ADAM12: variants seen among roughly 807,000 people sequenced by gnomAD.
ADAM12 encodes disintegrin and metalloproteinase domain-containing protein 12.
ADAM12 carries 70 observed loss-of-function variants against 106.4 expected under a neutral mutation model. The ratio of observed to expected loss-of-function variants is 0.66; its 90% CI spans 0.54 to 0.80. ADAM12 has a LOEUF of 0.80. Among genes scored for constraint, ADAM12 ranks in the 30% least tolerant of loss-of-function variants. The pLI is 0.00. For synonymous variants in ADAM12, 420 were observed against 433.5 expected (o/e 0.97, Z 0.39); for missense variants, 1,010 against 1,171.9 (o/e 0.86, Z 2.02).
At chr10:126,045,914 ATACCTT>A in intron 17 of ADAM12, 135 bp downstream of exon 17, 1 of 693,172 alleles carries the variant, frequency 1.4e-6, no homozygotes, top group Non-Finnish European at 2.4e-6. Flanking sequence ...AAAGAAATGA[ATACCTT>A]TAGAAGAAAA....
At chr10:126,115,754 T>C (rs1220184492) in intron 6 of ADAM12, among the ~76,000 whole-genome samples, 1 of 152,198 alleles carries the variant, frequency 6.6e-6, no homozygotes. Flanking sequence ...AGCCTTTCTA[T>C]TGATTTTTTT....
chr10:126,096,448 A>G (rs1955560411), intron 10 of ADAM12, among the ~76,000 whole-genome samples: 1 of 152,264 alleles, frequency 6.6e-6, no homozygotes, highest in Non-Finnish European at 1.5e-5. Flanking sequence ...GGCCAGTTAG[A>G]TAAAAAGGAA....
Position 126,235,396 on chromosome 10 carries a change from A to C in ADAM12, c.260+43519T>G, listed in dbSNP as rs186661745. On this transcript the variant is annotated intron_variant, in intron 3 of 22. Transcript: ENST00000448723. ...CCAGAGCAAGAGAGGACACATCTGG[A>C]GGACGACAGGAAGAGGCTCTGGGAG... Among the ~76,000 whole-genome samples, 263 of 152,332 alleles carry C rather than the reference A, an allele frequency of 1.7e-3. 4 individuals are homozygous for C. Among genetic ancestry groups the C allele is most frequent in the African/African-American group, 5.9e-3 (246 of 41,572 alleles).
chr10:126,231,710 G>A (rs188145869), intron 3 of ADAM12, among the ~76,000 whole-genome samples: 97 of 152,222 alleles, frequency 6.4e-4, no homozygotes, highest in African/African-American at 2.1e-3. Flanking sequence ...CTCTCCTCCT[G>A]GCAATGCCTT....
At chr10:126,324,984 T>C (rs1854242433) in intron 2 of ADAM12, among the ~76,000 whole-genome samples, 1 of 152,064 alleles carries the variant, frequency 6.6e-6, no homozygotes, top group Non-Finnish European at 1.5e-5. Context: ...TTCACTTATG[T>C]GAGCCCCTAG....
intron 2 of ADAM12, among the ~76,000 whole-genome samples, chr10:126,309,585 G>T (rs560833733): frequency 6.6e-6 from 1 of 152,218 alleles, no homozygotes; most frequent in African/African-American, 2.4e-5. Context: ...TGATGCACTG[G>T]GTCCAGAAAA....
intron 19 of ADAM12, among the ~76,000 whole-genome samples, chr10:126,038,952 CTTTTTTTTTTTTT>C (rs34277276): frequency 1.4e-5 from 1 of 71,558 alleles, no homozygotes; most frequent in Non-Finnish European, 2.5e-5. Flanking sequence ...GACACCATTT[CTTTTTTTTTTTTT>C]TTTTTTTTTT....
intron 21 of ADAM12, among the ~76,000 whole-genome samples, chr10:126,030,580 A>G (rs544522027): frequency 3.3e-5 from 5 of 152,280 alleles, no homozygotes; most frequent in African/African-American, 1.2e-4. Flanking sequence ...TTATAGTAAC[A>G]AATAAGTGGG....
intron 14 of ADAM12, among the ~76,000 whole-genome samples, chr10:126,062,597 C>A (rs749345006): frequency 6.6e-6 from 1 of 152,186 alleles, no homozygotes; most frequent in Non-Finnish European, 1.5e-5. Context: ...TAATAAATAC[C>A]AGCTTTGGTC....
intron 4 of ADAM12, among the ~76,000 whole-genome samples, chr10:126,154,099 G>A (rs1290087578): frequency 6.6e-6 from 1 of 152,160 alleles, no homozygotes; most frequent in Admixed American, 6.5e-5. Flanking sequence ...TCAGTTGCAG[G>A]CGGTTACTTC....
intron 2 of ADAM12, among the ~76,000 whole-genome samples, chr10:126,322,035 C>A (rs1854120470): frequency 6.6e-6 from 1 of 152,124 alleles, no homozygotes; most frequent in South Asian, 2.1e-4. Flanking sequence ...TCGGGCAAAG[C>A]CAATGCACTG....
rs1959077867 is a variant in ADAM12 at position 126,265,369 on chromosome 10, T to A, written c.260+13546A>T. Among the ~76,000 whole-genome samples, 4 of 152,232 alleles carry A rather than the reference T, an allele frequency of 2.6e-5. No homozygotes were observed. The South Asian group carries it at 8.3e-4, about 31-fold the overall frequency. On this transcript the variant is annotated intron_variant, in intron 3 of 22. Transcript: ENST00000448723. ...AAAGAATGATAGAACACTGCCATTTTGCAGGACCCAAGGAAAGAACAGATC... is the reference window on the plus strand; with the variant it reads ...AAAGAATGATAGAACACTGCCATTTAGCAGGACCCAAGGAAAGAACAGATC...
intron 3 of ADAM12, among the ~76,000 whole-genome samples, chr10:126,227,268 A>C (rs146082352): frequency 6.6e-6 from 1 of 152,224 alleles, no homozygotes; most frequent in Non-Finnish European, 1.5e-5. Flanking sequence ...CGCCATCATT[A>C]CCATCATCAT....
chr10:126,342,659 A>G (rs2133871353), intron 1 of ADAM12, among the ~76,000 whole-genome samples: 1 of 152,328 alleles, frequency 6.6e-6, no homozygotes, highest in Admixed American at 6.5e-5. Flanking sequence ...TCCCACAGAC[A>G]AGAGAACTGG....
chr10:126,264,016 T>G (rs1959051436), intron 3 of ADAM12, among the ~76,000 whole-genome samples: 1 of 152,268 alleles, frequency 6.6e-6, no homozygotes, highest in African/African-American at 2.4e-5. Flanking sequence ...GTAGGGCTAG[T>G]ATTTTTAGTA....
rs754307204 is a variant in ADAM12, at chr10:126,038,347, C to A, written c.2243G>T (p.Cys748Phe). Residue 748 changes from cysteine (C) to phenylalanine (F), a missense_variant and splice_region_variant, in exon 20 of 23, where the codon TGT becomes TTT. Physicochemically the swap from Cys to Phe is radical, Grantham distance 205. Transcript: ENST00000448723. ...NKKTTIEKLR[C>F]VRPSRPPRGF... ...ACGGGGTGGCCGGGAAGGGCGCACA[C>A]ACCTGCAACAGAATCCCATACCTGC... The A allele has an allele frequency of 6.3e-7, 1 of 1,581,638 alleles. No homozygotes were observed. Among genetic ancestry groups the A allele is most frequent in the Non-Finnish European group, 8.6e-7 (1 of 1,162,700 alleles).
At chr10:126,065,827 A>C (rs1954856042) in intron 13 of ADAM12, among the ~76,000 whole-genome samples, 2 of 152,156 alleles carry the variant, frequency 1.3e-5, no homozygotes, top group Non-Finnish European at 2.9e-5. Flanking sequence ...TCCCCTGGGC[A>C]CAGGCTCAGA....
At chr10:126,183,681 T>G (rs1957353644) in intron 3 of ADAM12, among the ~76,000 whole-genome samples, 1 of 152,226 alleles carries the variant, frequency 6.6e-6, no homozygotes, top group African/African-American at 2.4e-5. Flanking sequence ...CCTAAGTGCT[T>G]TGAGTATGAC....
intron 3 of ADAM12, among the ~76,000 whole-genome samples, chr10:126,245,336 A>G (rs969344009): frequency 6.6e-6 from 1 of 152,236 alleles, no homozygotes; most frequent in East Asian, 1.9e-4. Flanking sequence ...GCTGAAGAAC[A>G]TGGAACTTAG....
Sources: gnomAD v4.1 joint callset for allele counts (sites outside exome capture counted in the v4.1 genomes callset) on GRCh38, gnomAD v4.1.1 for gene constraint, MANE v1.5 for transcripts, NCBI Gene and HGNC (gene_info 2026-07-23, HGNC 2026-07-21) for gene names.